SPIDR: variants seen among roughly 807,000 people sequenced by gnomAD.
SPIDR encodes the protein scaffold protein involved in DNA repair, also known as DNA repair-scaffolding protein.
In SPIDR, 93 loss-of-function variants were observed where a neutral mutation model predicts 104.6. That is an observed-to-expected ratio of 0.89 (90% CI 0.75 to 1.06). SPIDR has a LOEUF of 1.06. Ranked by LOEUF, SPIDR falls within the 50% of genes least tolerant of loss-of-function variation. The pLI is 0.00. For missense variants in SPIDR, 1,154 were observed against 1,111.2 expected (o/e 1.04, Z -0.55); for synonymous variants, 431 against 416.9 (o/e 1.03, Z -0.41).
chr8:47,277,531 A>ATT (rs1352583975), intron 1 of SPIDR, among the ~76,000 whole-genome samples: 1 of 140,086 alleles, frequency 7.1e-6, no homozygotes, highest in African/African-American at 2.6e-5. Context: ...ACCCCTGCTA[A>ATT]TTTTTTTTTT....
intron 8 of SPIDR, among the ~76,000 whole-genome samples, chr8:47,445,392 G>C (rs1363699130): frequency 6.6e-6 from 1 of 152,212 alleles, no homozygotes; most frequent in African/African-American, 2.4e-5. Flanking sequence ...AAACTTAATT[G>C]ATAAATACTG....
At chr8:47,395,639 A>AT (rs1554657868) in intron 5 of SPIDR, among the ~76,000 whole-genome samples, 8 of 152,088 alleles carry the variant, frequency 5.3e-5, no homozygotes. Flanking sequence ...AAAGGTTTTG[A>AT]TTTTTCCCTC....
At chr8:47,678,547 C>T (rs2076716075) in intron 11 of SPIDR, among the ~76,000 whole-genome samples, 1 of 152,156 alleles carries the variant, frequency 6.6e-6, no homozygotes, top group Admixed American at 6.5e-5. Context: ...TGATGCAGCA[C>T]CACCTAGCAA....
intron 5 of SPIDR, among the ~76,000 whole-genome samples, chr8:47,307,964 T>C (rs1554582406): frequency 6.6e-6 from 1 of 152,188 alleles, no homozygotes; most frequent in Non-Finnish European, 1.5e-5. Context: ...CATACTTTCC[T>C]GTATATCTTG....
intron 5 of SPIDR, among the ~76,000 whole-genome samples, chr8:47,374,686 A>G (rs1218679612): frequency 6.6e-6 from 1 of 152,178 alleles, no homozygotes; most frequent in Non-Finnish European, 1.5e-5. Context: ...CTAATTTGTT[A>G]TGGACAGCTT....
chr8:47,623,689 T>G (rs1267219391), intron 10 of SPIDR, among the ~76,000 whole-genome samples: 1 of 152,198 alleles, frequency 6.6e-6, no homozygotes, highest in East Asian at 1.9e-4. Context: ...AAGAACTAAC[T>G]ATCTGAAATA....
chr8:47,520,048 A>G (rs1370384878), intron 8 of SPIDR, among the ~76,000 whole-genome samples: 1 of 152,216 alleles, frequency 6.6e-6, no homozygotes, highest in Non-Finnish European at 1.5e-5. Flanking sequence ...GAAAGGGGTT[A>G]GCTACCAATA....
intron 11 of SPIDR, among the ~76,000 whole-genome samples, chr8:47,687,162 A>G (rs1016209500): frequency 2.6e-5 from 4 of 152,216 alleles, no homozygotes; most frequent in South Asian, 2.1e-4. Context: ...TGGACCATAC[A>G]TTTGTAAAAG....
chr8:47,699,487 A>G lies in SPIDR; in HGVS notation c.1686-916A>G, dbSNP rs2079835551. 2.0e-5 allele frequency among the ~76,000 whole-genome samples: 3 copies of G among 152,358 alleles called. No individual in the cohort carries two copies. The South Asian group carries it at 6.2e-4, about 32-fold the overall frequency. ...AGGTCTCGGAAGTGCAGTCAGATCTAAGGTGAGAACCATACAACTGAAATC... is the reference window on the plus strand; with the variant it reads ...AGGTCTCGGAAGTGCAGTCAGATCTGAGGTGAGAACCATACAACTGAAATC... On this transcript the variant is annotated intron_variant, in intron 11 of 19. Transcript: ENST00000297423.
intron 16 of SPIDR, among the ~76,000 whole-genome samples, chr8:47,721,115 C>G (rs1406309901): frequency 6.6e-6 from 1 of 152,188 alleles, no homozygotes; most frequent in Non-Finnish European, 1.5e-5. Flanking sequence ...TTAATGAAGT[C>G]TCACATCAGT....
chr8:47,615,833 C>A (rs987138650), intron 10 of SPIDR, among the ~76,000 whole-genome samples: 3 of 152,030 alleles, frequency 2.0e-5, no homozygotes, highest in Admixed American at 2.0e-4. Context: ...AGATGCCTTT[C>A]CATTTATTTA....
intron 5 of SPIDR, among the ~76,000 whole-genome samples, chr8:47,304,372 A>G (rs1195164214): frequency 2.0e-5 from 3 of 152,110 alleles, no homozygotes; most frequent in Non-Finnish European, 4.4e-5. Context: ...CTGATAATTT[A>G]AAAGTGTGTA....
intron 8 of SPIDR, among the ~76,000 whole-genome samples, chr8:47,555,613 T>G (rs1229781824): frequency 6.6e-6 from 1 of 152,228 alleles, no homozygotes; most frequent in Non-Finnish European, 1.5e-5. Context: ...ATATTCCATT[T>G]TGATGGAGGT....
chr8:47,407,091 GTATT>G (rs2062859027), intron 6 of SPIDR, among the ~76,000 whole-genome samples: 1 of 152,008 alleles, frequency 6.6e-6, no homozygotes, highest in South Asian at 2.1e-4. Flanking sequence ...ACATATGCAT[GTATT>G]TATTTACTTA....
chr8:47,627,718 T>C (rs2066415358), intron 10 of SPIDR, among the ~76,000 whole-genome samples: 1 of 151,654 alleles, frequency 6.6e-6, no homozygotes, highest in Admixed American at 6.6e-5. Flanking sequence ...CCATCGGTGC[T>C]CAGCGAGTCC....
chr8:47,605,458 A>G (rs2062818165), intron 10 of SPIDR, among the ~76,000 whole-genome samples: 1 of 152,228 alleles, frequency 6.6e-6, no homozygotes, highest in Non-Finnish European at 1.5e-5. Flanking sequence ...TACGAGGATG[A>G]CAATGTCCAA....
At chr8:47,274,850 A>G (rs976935729) in intron 1 of SPIDR, among the ~76,000 whole-genome samples, 1 of 151,320 alleles carries the variant, frequency 6.6e-6, no homozygotes, top group Non-Finnish European at 1.5e-5. Flanking sequence ...CTGGGATTAC[A>G]GGCATGAGCC....
chr8:47,511,842 T>C, intron 8 of SPIDR: 1 of 864,188 alleles, frequency 1.2e-6, no homozygotes, highest in Admixed American at 1.7e-5. Context: ...GCTGTCCACT[T>C]CTCTCTGAGG....
chr8:47,351,402 G>A (rs2053485474), intron 5 of SPIDR, among the ~76,000 whole-genome samples: 1 of 152,130 alleles, frequency 6.6e-6, no homozygotes, highest in Admixed American at 6.5e-5. Context: ...ACTGAGTTGG[G>A]TTTTGAAGAC....
Sources: allele counts gnomAD v4.1 joint callset (sites outside exome capture counted in the v4.1 genomes callset), GRCh38; gene constraint gnomAD v4.1.1; transcripts MANE v1.5; gene names NCBI Gene and HGNC (gene_info 2026-07-23, HGNC 2026-07-21).